Variants in CENPP observed in about 807,000 individuals in gnomAD.
CENPP encodes centromere protein P.
Under a neutral mutation model 35.6 loss-of-function variants are expected in CENPP, and 24 were observed. That is an observed-to-expected ratio of 0.67 (90% CI 0.49 to 0.95). The LOEUF (loss-of-function observed/expected upper bound fraction) is 0.95, where lower values mean the gene tolerates loss of function less well. CENPP is among the 40% of genes least tolerant of loss of function. The probability of loss-of-function intolerance (pLI) is 0.00; values close to 1 mark genes in which losing one functional copy is unlikely to be tolerated. For synonymous variants in CENPP, 120 were observed against 125.5 expected, an observed-to-expected ratio of 0.96 and a Z score of 0.29; for missense variants, 332 against 345.3, an observed-to-expected ratio of 0.96 and a Z score of 0.31.
chr9:92,431,812 A>AT (rs1227795012), intron 5 of CENPP, among the ~76,000 whole-genome samples: 1 of 152,076 alleles, frequency 6.6e-6, no homozygotes, highest in East Asian at 1.9e-4. Flanking sequence ...TGACCTCATG[A>AT]TCTGCCCACC....
chr9:92,381,579 C>T (rs912024783), intron 5 of CENPP, among the ~76,000 whole-genome samples: 4 of 152,192 alleles, frequency 2.6e-5, no homozygotes, highest in African/African-American at 9.7e-5. Flanking sequence ...TTTATTAAGG[C>T]TGGATCATAT....
intron 5 of CENPP, among the ~76,000 whole-genome samples, chr9:92,390,587 T>TGTGTGTGTGCGTGCGCGC (rs749697394): frequency 7.1e-6 from 1 of 141,814 alleles, no homozygotes; most frequent in Non-Finnish European, 1.6e-5. Context: ...TGTGTGTGTG[T>TGTGTGTGTGCGTGCGCGC]GCGCGCGCGC....
chr9:92,580,150 G>A (rs959511145), intron 5 of CENPP, among the ~76,000 whole-genome samples: 4 of 152,286 alleles, frequency 2.6e-5, no homozygotes, highest in Admixed American at 1.3e-4. Context: ...CAGGGATGAA[G>A]CCCACTTGAT....
At chr9:92,480,184 A>C (rs1287907102) in intron 5 of CENPP, among the ~76,000 whole-genome samples, 1 of 152,094 alleles carries the variant, frequency 6.6e-6, no homozygotes, top group Non-Finnish European at 1.5e-5. Flanking sequence ...AGTGTTTTCC[A>C]CTCATGGAAA....
chr9:92,525,925 ATTATGTAC>A (rs942878035), intron 5 of CENPP, among the ~76,000 whole-genome samples: 5 of 151,366 alleles, frequency 3.3e-5, no homozygotes, highest in African/African-American at 1.2e-4. Flanking sequence ...AGCACATACA[ATTATGTAC>A]AGTACAGTAC....
At chr9:92,549,110 C>T (rs1372265545) in intron 5 of CENPP, among the ~76,000 whole-genome samples, 6 of 152,070 alleles carry the variant, frequency 3.9e-5, no homozygotes, top group African/African-American at 1.2e-4. Flanking sequence ...GATTTTCTCA[C>T]GTGGACGGTT....
chr9:92,534,157 G>C (rs541783577), intron 5 of CENPP, among the ~76,000 whole-genome samples: 6 of 152,180 alleles, frequency 3.9e-5, no homozygotes, highest in Admixed American at 1.3e-4. Flanking sequence ...GTCTGTGAAG[G>C]ACTCCTCAGA....
At chr9:92,432,096 G>A (rs891384312) in intron 5 of CENPP, among the ~76,000 whole-genome samples, 2 of 152,084 alleles carry the variant, frequency 1.3e-5, no homozygotes, top group South Asian at 4.1e-4. Flanking sequence ...AAGCTGAGGC[G>A]GTTGGATCAC....
chr9:92,429,452 T>G (rs1844048183), intron 5 of CENPP, among the ~76,000 whole-genome samples: 1 of 152,202 alleles, frequency 6.6e-6, no homozygotes, highest in South Asian at 2.1e-4. Flanking sequence ...AACAAATGAC[T>G]GTTATCCTTA....
intron 5 of CENPP, among the ~76,000 whole-genome samples, chr9:92,575,827 G>A (rs963315653): frequency 2.0e-5 from 3 of 151,858 alleles, no homozygotes; most frequent in Non-Finnish European, 4.4e-5. Context: ...AAAAAAGAAT[G>A]TCTCCTATCC....
intron 5 of CENPP, among the ~76,000 whole-genome samples, chr9:92,559,785 G>A (rs1849809320): frequency 1.3e-5 from 2 of 152,136 alleles, no homozygotes; most frequent in Admixed American, 6.5e-5. Flanking sequence ...ACAGGCATGA[G>A]CCACCATGCC....
rs1207271778 is a variant in CENPP at position 92,617,632 on chromosome 9, C to T, written c.*4483C>T. ...GGCCTTCTGGCTGCAGGGGGGCAGC[C>T]CTTGCCTGGAAGGCCGTTCTCCAGG... On this transcript the variant is annotated 3_prime_UTR_variant, in exon 8 of 8. Transcript: ENST00000375587. The T allele has an allele frequency of 6.5e-6, 1 of 154,416 alleles. No homozygotes were observed. The highest frequency in any genetic ancestry group is 1.4e-5 in the Non-Finnish European group (1 of 69,624). The allele number at this position is 154,416 out of a possible 1,614,324, so 9.6% of individuals were successfully genotyped here. A position where few individuals can be genotyped will look rare whatever the true frequency, so the allele number is the denominator to read the frequency against.
chr9:92,507,200 A>G (rs1436843305), intron 5 of CENPP, among the ~76,000 whole-genome samples: 8 of 152,202 alleles, frequency 5.3e-5, no homozygotes, highest in Non-Finnish European at 1.2e-4. Context: ...CTCAGGATTA[A>G]TGGAAGTGCT....
At chr9:92,487,845 T>C (rs985329371) in intron 5 of CENPP, among the ~76,000 whole-genome samples, 10 of 152,050 alleles carry the variant, frequency 6.6e-5, no homozygotes, top group African/African-American at 1.7e-4. Flanking sequence ...AAAAAATAAA[T>C]AAACATATAA....
At chr9:92,377,524 A>T (rs1324668277) in intron 4 of CENPP, among the ~76,000 whole-genome samples, 1 of 152,198 alleles carries the variant, frequency 6.6e-6, no homozygotes, top group Non-Finnish European at 1.5e-5. Context: ...GGTATCTTAC[A>T]GTACTACAAA....
chr9:92,379,949 G>A (rs942003956), intron 5 of CENPP, 90 bp downstream of exon 5: 1 of 819,882 alleles, frequency 1.2e-6, no homozygotes. Flanking sequence ...TTTCTTAAAA[G>A]CTTTCAAACA....
At position 92,588,629 on chromosome 9, in the gene CENPP, G is replaced by A. The variant is rs544420919; in HGVS notation, c.565-22685G>A. On this transcript the variant is annotated intron_variant, in intron 5 of 7. Coordinates refer to ENST00000375587, the MANE Select transcript of CENPP (RefSeq NM_001012267.3). ...ACCTAACCCCCAGGATATGGGCTCA[G>A]GGAAAAGTGTTTTGAAGAGAGAATA... Among the ~76,000 whole-genome samples the A allele has an allele frequency of 1.2e-4, 19 of 152,240 alleles. No individual in the cohort carries two copies. The East Asian group carries it at 3.1e-3, about 25-fold the overall frequency.
At chr9:92,441,627 C>T (rs769912326) in intron 5 of CENPP, among the ~76,000 whole-genome samples, 2 of 152,072 alleles carry the variant, frequency 1.3e-5, no homozygotes, top group African/African-American at 4.8e-5. Context: ...GGCATGATAG[C>T]GCGTACCTGT....
At chr9:92,600,975 G>A (rs1175775063) in intron 5 of CENPP, among the ~76,000 whole-genome samples, 1 of 152,156 alleles carries the variant, frequency 6.6e-6, no homozygotes, top group Admixed American at 6.5e-5. Context: ...TGGGTCTGAT[G>A]CCTCCTGAGC....
Sources: gnomAD v4.1 joint callset for allele counts (sites outside exome capture counted in the v4.1 genomes callset) on GRCh38, gnomAD v4.1.1 for gene constraint, MANE v1.5 for transcripts, NCBI Gene and HGNC (gene_info 2026-07-23, HGNC 2026-07-21) for gene names.